Variants in KLF13 observed in about 807,000 individuals in gnomAD.
KLF13 encodes Krueppel-like factor 13.
KLF13 carries 8 observed loss-of-function variants against 16.7 expected under a neutral mutation model. That is an observed-to-expected ratio of 0.48 (90% confidence interval 0.28 to 0.87). KLF13 has a LOEUF of 0.87. KLF13 is among the 40% of genes least tolerant of loss of function. The pLI is 0.10. For missense variants in KLF13, 447 were observed against 452.2 expected (o/e 0.99, Z 0.10); for synonymous variants, 245 against 208.4 (o/e 1.18, Z -1.51).
chr15:31,429,588 GT>G (rs1287972498), intron 1 of KLF13, among the ~76,000 whole-genome samples: 2 of 151,996 alleles, frequency 1.3e-5, no homozygotes, highest in Non-Finnish European at 2.9e-5. Context: ...AATGGTAAAT[GT>G]TATGTATATT....
At chr15:31,382,660 T>G (rs2039741199), downstream of KLF13, among the ~76,000 whole-genome samples, 1 of 152,184 alleles carries the variant, frequency 6.6e-6, no homozygotes, top group Non-Finnish European at 1.5e-5. Context: ...CAATGTCCTC[T>G]AAAAAGATGA....
intron 1 of KLF13, among the ~76,000 whole-genome samples, chr15:31,331,308 T>C (rs958597944): frequency 6.6e-6 from 1 of 152,310 alleles, no homozygotes; most frequent in South Asian, 2.1e-4. Flanking sequence ...TGGCCCTGTT[T>C]GGGGTGGAGG....
chr15:31,348,055 G>T (rs978231213), intron 1 of KLF13, among the ~76,000 whole-genome samples: 1 of 152,242 alleles, frequency 6.6e-6, no homozygotes, highest in Admixed American at 6.5e-5. Flanking sequence ...TTTCAGGGGG[G>T]TTTATTTCTG....
At chr15:31,405,227 T>C (rs972173919), downstream of KLF13, among the ~76,000 whole-genome samples, 3 of 152,068 alleles carry the variant, frequency 2.0e-5, no homozygotes, top group Non-Finnish European at 4.4e-5. Flanking sequence ...GGCAGGAGAA[T>C]TGCATGAAGC....
chr15:31,332,935 G>A (rs540073560), intron 1 of KLF13, among the ~76,000 whole-genome samples: 3 of 152,188 alleles, frequency 2.0e-5, no homozygotes, highest in African/African-American at 7.2e-5. Flanking sequence ...CAATCCCTGA[G>A]GTCTGCATGA....
chr15:31,345,665 C>T (rs2039103193), intron 1 of KLF13, among the ~76,000 whole-genome samples: 1 of 152,222 alleles, frequency 6.6e-6, no homozygotes, highest in Non-Finnish European at 1.5e-5. Context: ...TACTCACTGT[C>T]TTCCAGTGGC....
At chr15:31,395,089 C>T (rs1302154364) in intron 2 of KLF13, among the ~76,000 whole-genome samples, 2 of 152,176 alleles carry the variant, frequency 1.3e-5, no homozygotes, top group Admixed American at 6.5e-5. Flanking sequence ...AAGCGATTCT[C>T]CTGTCTCAGC....
chr15:31,350,764 G>T (rs2039203642), intron 1 of KLF13, among the ~76,000 whole-genome samples: 1 of 152,256 alleles, frequency 6.6e-6, no homozygotes, highest in African/African-American at 2.4e-5. Flanking sequence ...CTTGAGAAGG[G>T]CCTTAGAGGT....
chr15:31,422,047 G>A (rs1294208608), intron 1 of KLF13, among the ~76,000 whole-genome samples: 4 of 151,698 alleles, frequency 2.6e-5, no homozygotes, highest in Admixed American at 6.6e-5. Context: ...CCTGGGAGGC[G>A]GAGGTTGCAG....
chr15:31,421,422 T>C (rs549907508), intron 1 of KLF13, among the ~76,000 whole-genome samples: 4 of 152,296 alleles, frequency 2.6e-5, no homozygotes, highest in Admixed American at 2.6e-4. Context: ...GGTATAAAAT[T>C]TGAAAAAGTA....
downstream of KLF13, among the ~76,000 whole-genome samples, chr15:31,378,972 G>A (rs1430831669): frequency 1.3e-5 from 2 of 152,192 alleles, no homozygotes; most frequent in Non-Finnish European, 2.9e-5. Context: ...CACTGGCTCA[G>A]CCTCCCAAAG....
chr15:31,398,321 CA>C, intron 2 of KLF13, among the ~76,000 whole-genome samples: 1 of 152,296 alleles, frequency 6.6e-6, no homozygotes, highest in Middle Eastern at 3.4e-3. Flanking sequence ...CACAACAGAC[CA>C]GACACGGCAG....
At chr15:31,366,694 C>T (rs2039476839) in intron 1 of KLF13, 1 of 88,744 alleles carries the variant, frequency 1.1e-5, no homozygotes, top group African/African-American at 4.3e-5. Context: ...GAGGCGGGCT[C>T]ACTCCCTGAA....
chr15:31,327,006 C>G lies in KLF13; in HGVS notation c.-207C>G, dbSNP rs1001746195. On this transcript the variant is annotated 5_prime_UTR_variant, in exon 1 of 2. Transcript: ENST00000307145. ...CGCCCGCGCGCCCCATGCGCTCACTCTTCGGTGCCCGGCCGGGCCGGCGCC... is the reference window on the plus strand; with the variant it reads ...CGCCCGCGCGCCCCATGCGCTCACTGTTCGGTGCCCGGCCGGGCCGGCGCC... 2 of 237,456 alleles carry G rather than the reference C, an allele frequency of 8.4e-6. No individual in the cohort carries two copies. Among genetic ancestry groups the G allele is most frequent in the Non-Finnish European group, 1.4e-5 (2 of 140,958 alleles). The allele number at this position is 237,456 out of a possible 1,614,324, so 14.7% of individuals were successfully genotyped here.
At chr15:31,384,380 C>T (rs1456717139) in intron 1 of KLF13, among the ~76,000 whole-genome samples, 3 of 151,790 alleles carry the variant, frequency 2.0e-5, no homozygotes, top group South Asian at 2.1e-4. Flanking sequence ...TGCAGTGAGC[C>T]GAGATCACAC....
At chr15:31,397,992 C>T (rs1029835138) in intron 2 of KLF13, among the ~76,000 whole-genome samples, 4 of 152,078 alleles carry the variant, frequency 2.6e-5, no homozygotes, top group Admixed American at 6.5e-5. Flanking sequence ...AGCTGCTCTC[C>T]GGGTCGACCC....
rs112187912 is a variant in KLF13 at position 31,431,387 on chromosome 15, G to A, written n.118-3983G>A. Among the ~76,000 whole-genome samples the A allele has an allele frequency of 3.7e-3, 561 of 152,308 alleles. 1 individual carries two copies. The highest frequency in any genetic ancestry group is 6.2e-3 in the Non-Finnish European group (425 of 68,024). ...ACAACAGAAATGTCCACCAACAGTA[G>A]GATGGACTAAAAAATGTATATTCAT... On this transcript the variant is annotated intron_variant and non_coding_transcript_variant, in intron 1 of 1. Transcript: ENST00000558225.
chr15:31,409,567 A>G (rs372872508), downstream of KLF13, among the ~76,000 whole-genome samples: 50 of 152,208 alleles, frequency 3.3e-4, 2 homozygotes, highest in South Asian at 0.01. Flanking sequence ...GAGAGAAACC[A>G]CACTTACGTA....
At chr15:31,387,241 G>T (rs1246509812) in intron 1 of KLF13, among the ~76,000 whole-genome samples, 1 of 152,148 alleles carries the variant, frequency 6.6e-6, no homozygotes, top group African/African-American at 2.4e-5. Flanking sequence ...AGTCAATTGG[G>T]TGTGGCAAAC....
Sources: allele counts gnomAD v4.1 joint callset (sites outside exome capture counted in the v4.1 genomes callset), GRCh38; gene constraint gnomAD v4.1.1; transcripts MANE v1.5; gene names NCBI Gene and HGNC (gene_info 2026-07-23, HGNC 2026-07-21).